Variants in GRAMD1C observed in about 807,000 individuals in gnomAD.
The protein encoded by GRAMD1C is GRAM domain containing 1C, also known as protein Aster-C.
In GRAMD1C, 89 loss-of-function variants were observed where a neutral mutation model predicts 97.8. That is an observed-to-expected ratio of 0.91 (90% CI 0.77 to 1.09). The LOEUF is 1.09. GRAMD1C is among the 50% of genes least tolerant of loss of function. GRAMD1C has a pLI of 0.00. For missense variants in GRAMD1C, 740 were observed against 766.4 expected, an observed-to-expected ratio of 0.97 and a Z score of 0.41; for synonymous variants, 256 against 267.0, an observed-to-expected ratio of 0.96 and a Z score of 0.40.
chr3:113,928,427 C>T (rs1937303634), intron 10 of GRAMD1C, among the ~76,000 whole-genome samples: 1 of 152,140 alleles, frequency 6.6e-6, no homozygotes, highest in South Asian at 2.1e-4. Flanking sequence ...ATGATAACAT[C>T]CATATGCCAC....
At chr3:113,849,857 C>T (rs933138499) in intron 2 of GRAMD1C, among the ~76,000 whole-genome samples, 4 of 152,120 alleles carry the variant, frequency 2.6e-5, no homozygotes, top group Non-Finnish European at 4.4e-5. Context: ...CCTCACTTCC[C>T]AGTAGGGGCG....
intron 2 of GRAMD1C, among the ~76,000 whole-genome samples, chr3:113,856,461 C>T (rs918022939): frequency 5.3e-5 from 8 of 152,178 alleles, no homozygotes; most frequent in Non-Finnish European, 1.0e-4. Context: ...TAGCCACTTT[C>T]CTCCCACTGC....
intron 1 of GRAMD1C, among the ~76,000 whole-genome samples, chr3:113,839,452 C>T (rs1709720160): frequency 6.6e-6 from 1 of 152,148 alleles, no homozygotes; most frequent in Admixed American, 6.5e-5. Flanking sequence ...TTTTGTTGGA[C>T]GGGCGCCTGC....
chr3:113,914,956 T>C (rs1936751659), intron 9 of GRAMD1C, among the ~76,000 whole-genome samples: 1 of 152,202 alleles, frequency 6.6e-6, no homozygotes, highest in Non-Finnish European at 1.5e-5. Context: ...TAGTAAGCAC[T>C]ATGTAAGTAT....
intron 3 of GRAMD1C, among the ~76,000 whole-genome samples, chr3:113,874,263 T>G (rs1370717871): frequency 6.6e-6 from 1 of 152,228 alleles, no homozygotes; most frequent in African/African-American, 2.4e-5. Flanking sequence ...GTTTACATTC[T>G]CCACAGAGCC....
intron 2 of GRAMD1C, among the ~76,000 whole-genome samples, chr3:113,857,945 T>C (rs529741000): frequency 6.6e-6 from 1 of 152,324 alleles, no homozygotes; most frequent in South Asian, 2.1e-4. Flanking sequence ...ATGAGGGATA[T>C]TGTTCTGTAA....
intron 10 of GRAMD1C, among the ~76,000 whole-genome samples, chr3:113,916,039 G>A (rs1021922964): frequency 9.9e-5 from 15 of 152,168 alleles, no homozygotes; most frequent in African/African-American, 3.6e-4. Flanking sequence ...TTAGGCACAT[G>A]CTTCCAACAA....
intron 2 of GRAMD1C, among the ~76,000 whole-genome samples, chr3:113,850,887 C>A (rs560353603): frequency 2.0e-3 from 1 of 506 alleles, no homozygotes; most frequent in Non-Finnish European, 0.029. Context: ...CTGCAAACTC[C>A]GCTTCCCCGG....
At chr3:113,840,004 A>G (rs1037853385) in intron 1 of GRAMD1C, among the ~76,000 whole-genome samples, 1 of 151,902 alleles carries the variant, frequency 6.6e-6, no homozygotes, top group Non-Finnish European at 1.5e-5. Context: ...CCACACACAC[A>G]CCCTGAGGTT....
intron 8 of GRAMD1C, among the ~76,000 whole-genome samples, chr3:113,908,308 A>T (rs1414247738): frequency 1.3e-5 from 2 of 152,246 alleles, no homozygotes; most frequent in Non-Finnish European, 2.9e-5. Flanking sequence ...CCTAACATTA[A>T]ATTTATTATA....
At chr3:113,906,005 A>G (rs1936359146) in intron 8 of GRAMD1C, among the ~76,000 whole-genome samples, 1 of 152,170 alleles carries the variant, frequency 6.6e-6, no homozygotes, top group Non-Finnish European at 1.5e-5. Flanking sequence ...CCAGTCCCAT[A>G]ACATTTTAAG....
chr3:113,896,732 A>G (rs966918759), intron 6 of GRAMD1C, among the ~76,000 whole-genome samples: 12 of 152,176 alleles, frequency 7.9e-5, no homozygotes, highest in African/African-American at 2.9e-4. Flanking sequence ...CCATTGTATA[A>G]AATGATGAGA....
At chr3:113,850,364 C>G in intron 2 of GRAMD1C, 1 of 784,940 alleles carries the variant, frequency 1.3e-6, no homozygotes, top group Non-Finnish European at 2.3e-6. Context: ...GTAGGTATCT[C>G]TGTCGGCTTC....
In GRAMD1C at chr3:113,853,742, T is replaced by C. The variant is rs974770527; in HGVS notation, c.174+9093T>C. 3.9e-5 allele frequency among the ~76,000 whole-genome samples: 6 copies of C among 152,206 alleles called. No individual in the cohort carries two copies. The East Asian group carries it at 5.8e-4, about 15-fold the overall frequency. ...AAACATGTACTATGTCAGGTAGTGA[T>C]AGAAGCTATGAAGACAACAAAAGAA... On this transcript the variant is annotated intron_variant, in intron 2 of 17. Transcript: ENST00000358160.
chr3:113,885,737 T>C, intron 6 of GRAMD1C: 1 of 1,569,112 alleles, frequency 6.4e-7, no homozygotes, highest in Non-Finnish European at 8.8e-7. Flanking sequence ...AACTGGACAA[T>C]AGCAGAAGCA....
At chr3:113,839,874 C>T (rs188989537) in intron 1 of GRAMD1C, among the ~76,000 whole-genome samples, 8 of 152,264 alleles carry the variant, frequency 5.3e-5, no homozygotes, top group Admixed American at 3.9e-4. Flanking sequence ...GTCAGAGAGA[C>T]AGGAATCTAC....
In GRAMD1C at chr3:113,913,247, G is replaced by C. The variant is rs143212827; in HGVS notation, c.953-2454G>C. The C allele has an allele frequency of 1.9e-3, 856 of 457,774 alleles. 6 individuals carry two copies. Among genetic ancestry groups the C allele is most frequent in the African/African-American group, 0.012 (566 of 48,798 alleles). The allele number at this position is 457,774 out of a possible 1,614,324, so 28.4% of individuals were successfully genotyped here. On this transcript the variant is annotated intron_variant, in intron 9 of 17. Coordinates refer to ENST00000358160, the MANE Select transcript of GRAMD1C (RefSeq NM_017577.5). ...TGGTCCTTCCAAAGTAGTTTCAGCT[G>C]GATGTGGTGGCGCGCGCTTGTAATC...
intron 5 of GRAMD1C, among the ~76,000 whole-genome samples, chr3:113,876,678 TTAAC>T (rs1231676507): frequency 6.6e-6 from 1 of 152,114 alleles, no homozygotes; most frequent in Non-Finnish European, 1.5e-5. Context: ...GCAATTATCT[TTAAC>T]TGACATAATT....
rs554300644 is a variant in GRAMD1C at position 113,901,957 on chromosome 3, T to G, written c.656+811T>G. Among the ~76,000 whole-genome samples, 4 of 149,198 alleles carry G rather than the reference T, an allele frequency of 2.7e-5. No individual in the cohort carries two copies. The South Asian group carries it at 8.7e-4, about 32-fold the overall frequency. On this transcript the variant is annotated intron_variant, in intron 7 of 17. Transcript: ENST00000358160. ...AAAGTAAATGGTAGTTGCCAGGAGC[T>G]GATAGGAAGGGAGAATGGGGAGTGA...
Sources: gnomAD v4.1 joint callset for allele counts (sites outside exome capture counted in the v4.1 genomes callset) on GRCh38, gnomAD v4.1.1 for gene constraint, MANE v1.5 for transcripts, NCBI Gene and HGNC (gene_info 2026-07-23, HGNC 2026-07-21) for gene names.